The following PIEZO1 variants were observed in gnomAD, a reference collection of about 807,000 sequenced individuals.
The protein encoded by PIEZO1 is piezo type mechanosensitive ion channel component 1 (Er blood group), also known as piezo-type mechanosensitive ion channel component 1.
A neutral mutation model predicts 297.2 loss-of-function variants in PIEZO1; 296 were observed. That is an observed-to-expected ratio of 1.00 (90% CI 0.91 to 1.10). The LOEUF (loss-of-function observed/expected upper bound fraction) is 1.10. PIEZO1 is among the 50% of genes least tolerant of loss of function. PIEZO1 has a pLI of 0.00. For synonymous variants in PIEZO1, 2,427 were observed against 1,507.5 expected (o/e 1.61, Z -14.13); for missense variants, 5,018 against 3,455.5 (o/e 1.45, Z -11.34).
At chr16:88,773,932 C>T (rs907087721) in intron 1 of PIEZO1, among the ~76,000 whole-genome samples, 9 of 152,310 alleles carry the variant, frequency 5.9e-5, no homozygotes, top group Middle Eastern at 6.8e-3. Flanking sequence ...TGACCACCAA[C>T]ACCTCCCTGC....
chr16:88,757,327 T>TTGGGGGGGGGGGGGGGG lies in PIEZO1; in HGVS notation c.65-7849_65-7848insCCCCCCCCCCCCCCCCA, dbSNP rs1906720153. On this transcript the variant is annotated intron_variant, in intron 1 of 50. Coordinates refer to ENST00000301015, the MANE Select transcript of PIEZO1 (RefSeq NM_001142864.4). ...GCAGGGGGCGTTGCTGGCGGGGGGG[T>TTGGGGGGGGGGGGGGGG]GGGGGGTAGTTACCTAACCTGCCTG... is the stretch of plus-strand genomic sequence containing the variant. 4.7e-5 allele frequency among the ~76,000 whole-genome samples: 2 copies of TTGGGGGGGGGGGGGGGG among 42,700 alleles called. 1 individual carries two copies. The highest frequency in any genetic ancestry group is 1.3e-4 in the African/African-American group (2 of 15,342). The allele number at this position is 42,700 out of a possible 152,430, so 28.0% of individuals were successfully genotyped here.
chr16:88,778,909 G>C (rs960355692), intron 1 of PIEZO1, among the ~76,000 whole-genome samples: 1 of 152,210 alleles, frequency 6.6e-6, no homozygotes, highest in Non-Finnish European at 1.5e-5. Context: ...TTCCAGCTGG[G>C]AGAGAGACCC....
chr16:88,715,858 C>T lies in PIEZO1; in HGVS notation c.7317-4G>A, dbSNP rs565984044. 3.4e-5 allele frequency: 53 copies of T among 1,549,296 alleles called. No homozygotes were observed. In the South Asian group the frequency reaches 3.7e-4, roughly 11 times the overall value. Reference sequence around the variant, plus strand: ...GGACACGTACAGCCCCATGATGCTGCGGGGGAAGCTGGTGAGTCCTGGGGC... The same window carrying T: ...GGACACGTACAGCCCCATGATGCTGTGGGGGAAGCTGGTGAGTCCTGGGGC... On this transcript the variant is annotated splice_region_variant and splice_polypyrimidine_tract_variant and intron_variant, in intron 50 of 50. Coordinates refer to ENST00000301015, the MANE Select transcript of PIEZO1 (RefSeq NM_001142864.4).
intron 2 of PIEZO1, chr16:88,742,730 C>T: frequency 2.5e-6 from 1 of 403,292 alleles, no homozygotes; most frequent in Non-Finnish European, 4.6e-6. Flanking sequence ...CCTCATCCAG[C>T]AAATACCTGT....
intron 27 of PIEZO1, chr16:88,725,924 C>T (rs1904392094): frequency 3.5e-6 from 2 of 572,578 alleles, no homozygotes; most frequent in Non-Finnish European, 6.2e-6. Context: ...ACCACAGCTG[C>T]AGGGAAGAAG....
Position 88,734,734 on chromosome 16 carries a change from A to G in PIEZO1, c.1913T>C (p.Met638Thr), listed in dbSNP as rs1905090074. 1 of 1,550,286 alleles carries G rather than the reference A, an allele frequency of 6.5e-7. No homozygotes were observed. Among genetic ancestry groups the G allele is most frequent in the Non-Finnish European group, 8.7e-7 (1 of 1,146,908 alleles). Reference sequence around the variant, plus strand: ...GGTGTAGACGGCGATGAGGACCAGCATGGTGTAGGCCACCACGAGCCACCA... The same window carrying G: ...GGTGTAGACGGCGATGAGGACCAGCGTGGTGTAGGCCACCACGAGCCACCA... ...AFWWLVVAYTMLVLIAVYTFQ... is the reference protein window; with the variant it reads ...AFWWLVVAYTTLVLIAVYTFQ... Residue 638 changes from methionine to threonine, a missense_variant, in exon 15 of 51, where the codon ATG becomes ACG. Coordinates refer to ENST00000301015, the MANE Select transcript of PIEZO1 (RefSeq NM_001142864.4).
intron 1 of PIEZO1, among the ~76,000 whole-genome samples, chr16:88,760,610 C>G (rs1287322776): frequency 6.6e-6 from 1 of 151,782 alleles, no homozygotes; most frequent in Non-Finnish European, 1.5e-5. Context: ...CCCAGGGAGC[C>G]CAGGACAGGC....
chr16:88,737,515 C>G (rs1447943550), intron 10 of PIEZO1, 44 bp downstream of exon 10: 3 of 1,359,956 alleles, frequency 2.2e-6, no homozygotes, highest in Non-Finnish European at 3.0e-6. Flanking sequence ...GGCCTCCGCC[C>G]CGCCCCCCGC....
intron 22 of PIEZO1, among the ~76,000 whole-genome samples, chr16:88,730,257 G>T (rs535272993): frequency 1.3e-5 from 2 of 152,224 alleles, no homozygotes; most frequent in Non-Finnish European, 2.9e-5. Flanking sequence ...ACAAGGCTGG[G>T]CCTGGGTAGC....
At chr16:88,731,569 G>C (rs947754012) in intron 22 of PIEZO1, 137 bp downstream of exon 22, 21 of 653,564 alleles carry the variant, frequency 3.2e-5, no homozygotes, top group Non-Finnish European at 5.3e-5. Flanking sequence ...GTAGGATGTG[G>C]AGCAGAGAGG....
At chr16:88,758,046 T>C (rs779327914) in intron 1 of PIEZO1, among the ~76,000 whole-genome samples, 5 of 152,094 alleles carry the variant, frequency 3.3e-5, no homozygotes, top group Non-Finnish European at 7.4e-5. Context: ...GCTAGACGAA[T>C]AGGCCCTCCG....
chr16:88,727,600 G>T lies in PIEZO1; in HGVS notation c.3258C>A (p.Tyr1086Ter). The change falls in exon 23 of 51, where the codon TAC becomes TAA. Residue 1086 changes from tyrosine to a stop codon, truncating the protein, a stop_gained. Coordinates refer to ENST00000301015, the MANE Select transcript of PIEZO1 (RefSeq NM_001142864.4). LOFTEE classifies it high-confidence loss of function. ...TGGGGGCCCGGAAGAAATCAGGCAG[G>T]TACAGCCACTTGATGAGTGCGGAGT... ...PMNSALIKWL[Y>*]LPDFFRAPNS... The T allele has an allele frequency of 3.9e-6, 6 of 1,537,346 alleles. No homozygotes were observed. The highest frequency in any genetic ancestry group is 4.4e-6 in the Non-Finnish European group (5 of 1,138,714).
At chr16:88,784,841 C>T (rs1339760793) in intron 1 of PIEZO1, 60 bp downstream of exon 1, 2 of 1,237,706 alleles carry the variant, frequency 1.6e-6, no homozygotes, top group Non-Finnish European at 2.2e-6. Flanking sequence ...GGTGTCCAGG[C>T]CGTGGGGAGC....
intron 2 of PIEZO1, chr16:88,744,284 C>G (rs1008110663): frequency 6.5e-6 from 1 of 152,728 alleles, no homozygotes; most frequent in Non-Finnish European, 1.5e-5. Flanking sequence ...TTGAAGTAAC[C>G]TCGCCAGCGG....
chr16:88,717,792 A>C (rs1320397197), intron 44 of PIEZO1: 11 of 450,854 alleles, frequency 2.4e-5, no homozygotes, highest in Middle Eastern at 6.9e-4. Context: ...CAATTCAGTC[A>C]TTTCTAGCCA....
In PIEZO1 at chr16:88,716,744, G is replaced by A. The variant is rs1255471545; in HGVS notation, c.6754-13C>T. 1.9e-6 allele frequency: 3 copies of A among 1,548,186 alleles called. No homozygotes were observed. The African/African-American group carries it at 4.1e-5, about 21-fold the overall frequency. On this transcript the variant is annotated splice_polypyrimidine_tract_variant and intron_variant, in intron 46 of 50. Coordinates refer to ENST00000301015, the MANE Select transcript of PIEZO1 (RefSeq NM_001142864.4). ...ACTGCATGGCCAGCTGGGTACAAGTGACACCCTCAGTGACTGCAGCCGCCT... is the reference window on the plus strand; with the variant it reads ...ACTGCATGGCCAGCTGGGTACAAGTAACACCCTCAGTGACTGCAGCCGCCT...
At chr16:88,754,714 A>C (rs1415306565) in intron 1 of PIEZO1, among the ~76,000 whole-genome samples, 2 of 152,202 alleles carry the variant, frequency 1.3e-5, no homozygotes, top group African/African-American at 4.8e-5. Flanking sequence ...GGGCTCCGTG[A>C]AACAGCCGGT....
intron 11 of PIEZO1, 115 bp downstream of exon 11, chr16:88,736,524 C>A: frequency 1.7e-6 from 1 of 594,934 alleles, no homozygotes; most frequent in South Asian, 2.0e-5. Context: ...CAGGCGATGC[C>A]CCACACCTGC....
chr16:88,730,203 G>A (rs922012924), intron 22 of PIEZO1, among the ~76,000 whole-genome samples: 1 of 152,390 alleles, frequency 6.6e-6, no homozygotes, highest in East Asian at 1.9e-4. Flanking sequence ...TAAACCTCAC[G>A]CTCCTAGAAC....
Sources: gnomAD v4.1 joint callset for allele counts (sites outside exome capture counted in the v4.1 genomes callset) on GRCh38, gnomAD v4.1.1 for gene constraint, MANE v1.5 for transcripts, NCBI Gene and HGNC (gene_info 2026-07-23, HGNC 2026-07-21) for gene names.